The following SDHAF3 variants were observed in gnomAD, a reference collection of about 807,000 sequenced individuals.
The protein encoded by SDHAF3 is succinate dehydrogenase complex assembly factor 3, also known as succinate dehydrogenase assembly factor 3, mitochondrial.
A neutral mutation model predicts 11.5 loss-of-function variants in SDHAF3; 18 were observed. That is an observed-to-expected ratio of 1.56 (90% CI 1.08 to 2.32). The LOEUF (loss-of-function observed/expected upper bound fraction) is 2.32. Among genes scored for constraint, SDHAF3 ranks in the 30% most tolerant of loss-of-function variants. SDHAF3 has a pLI of 0.00. For missense variants in SDHAF3, 200 were observed against 154.4 expected (o/e 1.30, Z -1.57); for synonymous variants, 72 against 59.3 (o/e 1.21, Z -0.99).
chr7:97,135,578 C>CGTGT (rs1562821743), intron 1 of SDHAF3: 1 of 111,392 alleles, frequency 9.0e-6, no homozygotes, highest in African/African-American at 3.4e-5. Context: ...TGCTAGTCCC[C>CGTGT]ATATGTGTGT....
intron 1 of SDHAF3, among the ~76,000 whole-genome samples, chr7:97,159,402 A>G (rs963974032): frequency 6.6e-6 from 1 of 152,126 alleles, no homozygotes; most frequent in Non-Finnish European, 1.5e-5. Context: ...CTTTCCTCCC[A>G]AGTTTTTTGG....
At chr7:97,153,789 C>T (rs934013706) in intron 1 of SDHAF3, among the ~76,000 whole-genome samples, 2 of 151,972 alleles carry the variant, frequency 1.3e-5, no homozygotes, top group African/African-American at 4.8e-5. Flanking sequence ...GACCGTTTTA[C>T]ATTTCCACCA....
chr7:97,121,840 GGTTTTTTTTTTTT>G (rs1452501536), intron 1 of SDHAF3, among the ~76,000 whole-genome samples: 7 of 144,156 alleles, frequency 4.9e-5, no homozygotes, highest in South Asian at 4.3e-4. Context: ...GAGGTTTTTT[GGTTTTTTTTTTTT>G]GTTTTTTTTT....
At chr7:97,155,290 A>C (rs138223690) in intron 1 of SDHAF3, among the ~76,000 whole-genome samples, 42 of 152,338 alleles carry the variant, frequency 2.8e-4, no homozygotes, top group African/African-American at 9.9e-4. Flanking sequence ...TGAGTTCCTC[A>C]TTCAGTCTCA....
chr7:97,177,716 T>C (rs999623192), intron 1 of SDHAF3, among the ~76,000 whole-genome samples: 1 of 152,242 alleles, frequency 6.6e-6, no homozygotes, highest in Non-Finnish European at 1.5e-5. Flanking sequence ...CAGTCTACTA[T>C]TAAGTGACAT....
chr7:97,148,215 G>A (rs1159448685), intron 1 of SDHAF3, among the ~76,000 whole-genome samples: 11 of 152,048 alleles, frequency 7.2e-5, no homozygotes, highest in South Asian at 4.1e-4. Flanking sequence ...ACAATAACAC[G>A]ATAACATCAG....
At chr7:97,122,509 T>G (rs1791517197) in intron 1 of SDHAF3, among the ~76,000 whole-genome samples, 1 of 152,052 alleles carries the variant, frequency 6.6e-6, no homozygotes, top group Non-Finnish European at 1.5e-5. Context: ...TATGAGGTTT[T>G]TTTTTTTTTT....
chr7:97,121,406 T>A (rs1268591661), intron 1 of SDHAF3, among the ~76,000 whole-genome samples: 1 of 152,250 alleles, frequency 6.6e-6, no homozygotes, highest in East Asian at 1.9e-4. Flanking sequence ...TTTCTTTTTC[T>A]GTCCCATGTA....
intron 1 of SDHAF3, among the ~76,000 whole-genome samples, chr7:97,168,998 C>T (rs2115734778): frequency 6.6e-6 from 1 of 152,310 alleles, no homozygotes; most frequent in East Asian, 1.9e-4. Flanking sequence ...CAGAAGATAA[C>T]TTGTAAGACA....
intron 1 of SDHAF3, among the ~76,000 whole-genome samples, chr7:97,176,300 C>G (rs1789678504): frequency 1.3e-5 from 2 of 152,186 alleles, no homozygotes; most frequent in Non-Finnish European, 2.9e-5. Context: ...TGAGGAAGCA[C>G]TGCACATTCT....
At chr7:97,151,441 C>T (rs905705137) in intron 1 of SDHAF3, among the ~76,000 whole-genome samples, 7 of 150,566 alleles carry the variant, frequency 4.6e-5, no homozygotes, top group Admixed American at 3.3e-4. Flanking sequence ...TAAAATATCT[C>T]GGGGAGCAGC....
At chr7:97,180,666 A>G (rs1046014903) in intron 1 of SDHAF3, among the ~76,000 whole-genome samples, 8 of 152,200 alleles carry the variant, frequency 5.3e-5, no homozygotes, top group African/African-American at 1.7e-4. Context: ...GTTGAAAGCT[A>G]TGGCCCCAGA....
chr7:97,128,824 A>G (rs1394197219), intron 1 of SDHAF3, among the ~76,000 whole-genome samples: 1 of 152,170 alleles, frequency 6.6e-6, no homozygotes, highest in Non-Finnish European at 1.5e-5. Flanking sequence ...GAATTAACTG[A>G]AAGAGAGCTT....
In SDHAF3 at chr7:97,181,012, G is replaced by T; in HGVS notation, c.175G>T (p.Val59Leu). ...EAQRFLQEWE[V>L]YATALLQQAN... is the part of the protein sequence containing the mutation. Reference sequence around the variant, plus strand: ...TAACCTTCATTCTTTATCTTTTTAGGTGTATGCAACAGCGTTATTGCAACA... The same window carrying T: ...TAACCTTCATTCTTTATCTTTTTAGTTGTATGCAACAGCGTTATTGCAACA... Residue 59 changes from valine to leucine, a missense_variant and splice_region_variant, in exon 2 of 2, where the codon GTG (valine) becomes TTG (leucine). Coordinates refer to ENST00000432641, the MANE Select transcript of SDHAF3 (RefSeq NM_020186.3). 1 of 1,610,946 alleles carries T rather than the reference G, an allele frequency of 6.2e-7. No homozygotes were observed. Among genetic ancestry groups the T allele is most frequent in the Non-Finnish European group, 8.5e-7 (1 of 1,178,516 alleles).
intron 1 of SDHAF3, among the ~76,000 whole-genome samples, chr7:97,120,836 C>G (rs1195417227): frequency 6.6e-6 from 1 of 152,056 alleles, no homozygotes; most frequent in East Asian, 1.9e-4. Context: ...ACTAGAGGCC[C>G]CATATTTGGA....
rs560678794 is a variant in SDHAF3, at chr7:97,138,067, G to T, written c.174+20170G>T. ...TTGTATTTTTAGTAGGTTTCACCGC[G>T]TTGGCTAGTCTCGAACTCCTGACCT... On this transcript the variant is annotated intron_variant, in intron 1 of 1. Transcript: ENST00000432641. 4.6e-5 allele frequency among the ~76,000 whole-genome samples: 7 copies of T among 151,484 alleles called. No homozygotes were observed. The South Asian group carries it at 1.5e-3, about 32-fold the overall frequency.
intron 1 of SDHAF3, among the ~76,000 whole-genome samples, chr7:97,158,223 T>TA (rs1311627612): frequency 1.3e-5 from 2 of 152,214 alleles, no homozygotes; most frequent in Non-Finnish European, 2.9e-5. Flanking sequence ...GGCTAACAGT[T>TA]ACATTTCCAC....
At chr7:97,168,255 T>G (rs1313281483) in intron 1 of SDHAF3, among the ~76,000 whole-genome samples, 1 of 152,192 alleles carries the variant, frequency 6.6e-6, no homozygotes, top group Admixed American at 6.5e-5. Flanking sequence ...GCATCAATCT[T>G]AAGTTTCACA....
intron 1 of SDHAF3, among the ~76,000 whole-genome samples, chr7:97,141,878 T>C (rs1789049304): frequency 6.6e-6 from 1 of 152,106 alleles, no homozygotes. Flanking sequence ...AATGTTCTAC[T>C]TATCTTTGTA....
Sources: allele counts gnomAD v4.1 joint callset (sites outside exome capture counted in the v4.1 genomes callset), GRCh38; gene constraint gnomAD v4.1.1; transcripts MANE v1.5; gene names NCBI Gene and HGNC (gene_info 2026-07-23, HGNC 2026-07-21).